IGF2R: variants seen among roughly 807,000 people sequenced by gnomAD.
IGF2R encodes the protein cation-independent mannose-6-phosphate receptor.
In IGF2R, 91 loss-of-function variants were observed where a neutral mutation model predicts 270.6. That is an observed-to-expected ratio of 0.34 (90% CI 0.28 to 0.40). IGF2R has a LOEUF of 0.40. Among genes scored for constraint, IGF2R ranks in the 10% least tolerant of loss-of-function variants. The pLI is 1.00. For synonymous variants in IGF2R, 1,316 were observed against 1,258.9 expected, an observed-to-expected ratio of 1.05 and a Z score of -0.96; for missense variants, 2,805 against 3,188.3, an observed-to-expected ratio of 0.88 and a Z score of 2.90.
chr6:160,075,396 G>C (rs1204469047), intron 35 of IGF2R, among the ~76,000 whole-genome samples: 1 of 152,210 alleles, frequency 6.6e-6, no homozygotes, highest in East Asian at 1.9e-4. Flanking sequence ...TCAGTGGGCA[G>C]TCCCGGGGCA....
chr6:160,088,517 C>G (rs1044700488), intron 42 of IGF2R, among the ~76,000 whole-genome samples: 5 of 152,220 alleles, frequency 3.3e-5, no homozygotes, highest in Non-Finnish European at 7.4e-5. Flanking sequence ...GGACCTGCAT[C>G]TGGACCTGGG....
At chr6:160,065,814 G>GTGTGTATGTA in intron 29 of IGF2R, among the ~76,000 whole-genome samples, 3 of 78,390 alleles carry the variant, frequency 3.8e-5, no homozygotes, top group African/African-American at 1.1e-4. Context: ...GTGTGTGTGT[G>GTGTGTATGTA]TATATATATA....
chr6:160,046,694 A>T, intron 15 of IGF2R, 49 bp downstream of exon 15: 1 of 1,579,332 alleles, frequency 6.3e-7, no homozygotes, highest in Non-Finnish European at 8.6e-7. Flanking sequence ...ATATGCTAAG[A>T]AATATTATTT....
intron 4 of IGF2R, among the ~76,000 whole-genome samples, chr6:160,019,852 G>A (rs760489657): frequency 6.6e-6 from 1 of 152,120 alleles, no homozygotes; most frequent in African/African-American, 2.4e-5. Context: ...AGCCAGCATC[G>A]TACTGAACAG....
At chr6:160,043,036 G>C (rs917924344) in intron 11 of IGF2R, 112 bp from the exon 12 acceptor site, 5 of 1,143,918 alleles carry the variant, frequency 4.4e-6, no homozygotes, top group Non-Finnish European at 6.3e-6. Context: ...ATTGAGTGAC[G>C]AAGTGGTTTG....
At chr6:159,977,787 C>G (rs1010557144) in intron 1 of IGF2R, among the ~76,000 whole-genome samples, 9 of 152,128 alleles carry the variant, frequency 5.9e-5, no homozygotes, top group African/African-American at 2.2e-4. Context: ...CCGTGTGTGT[C>G]CAGTCAGGAT....
chr6:160,038,986 C>T (rs1777883969), intron 10 of IGF2R, among the ~76,000 whole-genome samples: 1 of 152,172 alleles, frequency 6.6e-6, no homozygotes, highest in Admixed American at 6.5e-5. Context: ...ATTATTTAGC[C>T]ACCCTAAATC....
chr6:160,041,347 A>G (rs1777941909), intron 11 of IGF2R, among the ~76,000 whole-genome samples: 1 of 152,114 alleles, frequency 6.6e-6, no homozygotes, highest in Non-Finnish European at 1.5e-5. Context: ...AAGCAGAGAG[A>G]ATGACTTGCC....
intron 19 of IGF2R, among the ~76,000 whole-genome samples, chr6:160,054,984 C>T (rs1389901765): frequency 2.0e-5 from 3 of 152,170 alleles, no homozygotes; most frequent in African/African-American, 7.2e-5. Flanking sequence ...TTGGCTAACA[C>T]TCTTTTTCCT....
intron 10 of IGF2R, among the ~76,000 whole-genome samples, chr6:160,038,327 A>T (rs1777870478): frequency 1.3e-5 from 2 of 152,224 alleles, no homozygotes; most frequent in African/African-American, 4.8e-5. Flanking sequence ...CAGTATGCTT[A>T]AATATCAACC....
rs8191905 is a variant in IGF2R, at chr6:160,079,680, G to A, written c.5579G>A (p.Gly1860Asp). 3.4e-4 allele frequency: 535 copies of A among 1,553,486 alleles called. 2 individuals carry two copies. In the African/African-American group the frequency reaches 6.7e-3, roughly 19 times the overall value. The change falls in exon 38 of 48, where the codon GGC becomes GAC. Residue 1860 changes from glycine (G) to aspartate (D), a missense_variant. Transcript: ENST00000356956. Reference protein sequence around the residue: ...CKDGGVCLLSGTKGASFGRLQ... With the variant: ...CKDGGVCLLSDTKGASFGRLQ... ...GACGGAGGAGTCTGTCTGCTCTCAG[G>A]CACCAAGGGGGCATCCTTTGGACGG... is the stretch of plus-strand genomic sequence containing the variant.
At chr6:160,071,212 G>T (rs1429248825) in intron 31 of IGF2R, among the ~76,000 whole-genome samples, 9 of 127,018 alleles carry the variant, frequency 7.1e-5, no homozygotes, top group East Asian at 3.7e-4. Context: ...CCAGACCCAG[G>T]AGGCTGGGAG....
intron 12 of IGF2R, among the ~76,000 whole-genome samples, chr6:160,043,944 G>A (rs1005737344): frequency 2.0e-5 from 3 of 152,184 alleles, no homozygotes; most frequent in African/African-American, 7.2e-5. Flanking sequence ...TTAAAAGCAG[G>A]TTCAGGCATG....
At chr6:160,081,125 CAAAA>C (rs57556600) in intron 39 of IGF2R, among the ~76,000 whole-genome samples, 1 of 129,810 alleles carries the variant, frequency 7.7e-6, no homozygotes, top group African/African-American at 2.8e-5. Context: ...GACTCGGTCT[CAAAA>C]AAAAAAAAAA....
rs768929234 is a variant in IGF2R, at chr6:160,079,562, C to T, written c.5479-18C>T. 1.1e-4 allele frequency: 161 copies of T among 1,409,316 alleles called. No homozygotes were observed. The highest frequency in any genetic ancestry group is 5.7e-5 in the Admixed American group (2 of 35,278). 87.3% of individuals were successfully genotyped at this position (1,409,316 alleles called of 1,614,324 possible). ...GGTGCTGCCACTCTGCTGACGGCCA[C>T]GCATGGTTTTTGTCCAGGTGACTCG... On this transcript the variant is annotated intron_variant, in intron 37 of 47. Coordinates refer to ENST00000356956, the MANE Select transcript of IGF2R (RefSeq NM_000876.4).
intron 2 of IGF2R, among the ~76,000 whole-genome samples, chr6:159,995,202 CT>C (rs1348050421): frequency 1.4e-5 from 2 of 145,918 alleles, no homozygotes; most frequent in African/African-American, 5.1e-5. Context: ...TTTTTTTTTT[CT>C]TTTTTAACTA....
rs755390070 is a variant in IGF2R at position 160,102,594 on chromosome 6, C to T, written c.6918C>T (p.Val2306=). ...HKGLSERSQA[V]GAVLSLLLVA... ...GGCTGTCAGAACGGAGCCAGGCAGT[C>T]GGCGCGGTGCTCAGCCTGCTGCTGG... Residue 2306 remains valine, a synonymous_variant, in exon 46 of 48, where the codon GTC becomes GTT. Coordinates refer to ENST00000356956, the MANE Select transcript of IGF2R (RefSeq NM_000876.4). This position sits in a 1 kb window ranked among gnomAD's most constrained non-coding sequence, Gnocchi z 4.5. 67 of 1,613,640 alleles carry T rather than the reference C, an allele frequency of 4.2e-5. No homozygotes were observed. In the Middle Eastern group the frequency reaches 6.9e-4, roughly 17 times the overall value.
At chr6:160,040,524 G>T (rs376979206) in intron 10 of IGF2R, 36 bp from the exon 11 acceptor site, 2 of 1,601,570 alleles carry the variant, frequency 1.2e-6, no homozygotes, top group African/African-American at 1.3e-5. Flanking sequence ...TTTTGGTCAC[G>T]TATGGAGTTT....
intron 5 of IGF2R, 130 bp downstream of exon 5, chr6:160,024,834 T>G: frequency 9.7e-7 from 1 of 1,035,440 alleles, no homozygotes; most frequent in Non-Finnish European, 1.4e-6. Context: ...ATAAAGCTTT[T>G]GTCCCCAAAA....
Sources: allele counts gnomAD v4.1 joint callset (sites outside exome capture counted in the v4.1 genomes callset), GRCh38; gene constraint gnomAD v4.1.1; non-coding constraint Gnocchi (gnomAD v3.1); transcripts MANE v1.5; gene names NCBI Gene and HGNC (gene_info 2026-07-23, HGNC 2026-07-21).